The following DMD variants were observed in gnomAD, a reference collection of about 807,000 sequenced individuals.
The protein encoded by DMD is mutant dystrophin.
A neutral mutation model predicts 330.1 loss-of-function variants in DMD; 63 were observed. The observed-to-expected ratio is 0.19, with a 90% CI of 0.16 to 0.24. The LOEUF (loss-of-function observed/expected upper bound fraction) is 0.24, where lower values mean the gene tolerates loss of function less well. DMD is among the 10% of genes least tolerant of loss of function. The pLI, the probability that DMD is intolerant of heterozygous loss-of-function variation, is 1.00. For missense variants in DMD, 3,344 were observed against 2,684.1 expected (o/e 1.25, Z -5.43); for synonymous variants, 1,223 against 959.8 (o/e 1.27, Z -5.07).
At chrX:31,729,445 T>C (rs1407146214) in intron 52 of DMD, among the ~76,000 whole-genome samples, 186 bp downstream of exon 52, 1 of 112,669 alleles carries the variant, frequency 8.9e-6, no homozygotes, top group Non-Finnish European at 1.9e-5. Context: ...ATTTCTTCTA[T>C]TCAATGGAAT....
At chrX:31,718,247 A>G (rs909219976) in intron 52 of DMD, among the ~76,000 whole-genome samples, 5 of 111,853 alleles carry the variant, frequency 4.5e-5, no homozygotes, top group African/African-American at 1.6e-4. Flanking sequence ...CACTGTCAGG[A>G]AAGACAAATT....
intron 1 of DMD, among the ~76,000 whole-genome samples, chrX:33,186,506 T>C (rs1459883621): frequency 3.6e-5 from 4 of 111,012 alleles, no homozygotes; most frequent in Non-Finnish European, 5.7e-5. Context: ...AAGGTTACAT[T>C]AGGTTTTTTT....
intron 2 of DMD, among the ~76,000 whole-genome samples, chrX:32,872,423 T>TC (rs1003057587): frequency 4.5e-5 from 5 of 112,011 alleles, no homozygotes; most frequent in African/African-American, 1.3e-4. Context: ...TGTCCCCTTT[T>TC]TAAAATTCAA....
intron 30 of DMD, among the ~76,000 whole-genome samples, chrX:32,406,589 C>G (rs938093425): frequency 9.0e-6 from 1 of 111,116 alleles, no homozygotes; most frequent in Non-Finnish European, 1.9e-5. Context: ...AGCCTTGCAT[C>G]CCAGGGATGA....
intron 16 of DMD, among the ~76,000 whole-genome samples, chrX:32,562,520 C>A (rs1287538711): frequency 1.8e-5 from 2 of 112,612 alleles, no homozygotes; most frequent in Non-Finnish European, 3.8e-5. Flanking sequence ...TAGGTTTTAA[C>A]CATTATGAGA....
chrX:32,830,390 T>TA (rs1037526182), intron 4 of DMD, among the ~76,000 whole-genome samples: 1 of 111,593 alleles, frequency 9.0e-6, no homozygotes, highest in African/African-American at 3.2e-5. Context: ...TAAAACCTTT[T>TA]AAAATCTGTG....
At position 31,381,475 on chromosome X, in the gene DMD, T is replaced by C. The variant is rs191368326; in HGVS notation, c.9085-32841A>G. 2.8e-3 allele frequency among the ~76,000 whole-genome samples: 309 copies of C among 111,802 alleles called. 1 individual carries two copies. Among genetic ancestry groups the C allele is most frequent in the African/African-American group, 9.4e-3 (290 of 30,762 alleles). ...TATTTTCTTCCTCACACCTGACGCATATGCTTTCTGCTCCCCGGCTCCTTC... is the reference window on the plus strand; with the variant it reads ...TATTTTCTTCCTCACACCTGACGCACATGCTTTCTGCTCCCCGGCTCCTTC... On this transcript the variant is annotated intron_variant, in intron 60 of 78. Coordinates refer to ENST00000357033, the MANE Select transcript of DMD (RefSeq NM_004006.3).
chrX:32,696,449 A>T, intron 9 of DMD, among the ~76,000 whole-genome samples: 1 of 112,238 alleles, frequency 8.9e-6, no homozygotes, highest in Admixed American at 9.5e-5. Context: ...TTTAAATAAA[A>T]CAAGTAAGTG....
At chrX:31,243,119 G>A (rs1464991216) in intron 63 of DMD, among the ~76,000 whole-genome samples, 1 of 111,398 alleles carries the variant, frequency 9.0e-6, no homozygotes, top group African/African-American at 3.3e-5. Flanking sequence ...ATTTATGGGG[G>A]AAAAAAATCA....
intron 27 of DMD, among the ~76,000 whole-genome samples, chrX:32,443,393 G>T (rs2098290409): frequency 9.0e-6 from 1 of 110,799 alleles, no homozygotes; most frequent in Admixed American, 9.6e-5. Flanking sequence ...TAAGTGTTTT[G>T]CTTTAAAAGG....
Position 31,774,146 on chromosome X carries a change from C to T in DMD, c.7356G>A (p.Lys2452=). 8.3e-7 allele frequency: 1 copy of T among 1,210,502 alleles called. No homozygotes were observed. ...TTTCTAGTTTGGAGATGGCAGTTTC[C>T]TTAGTAACCACAGGTTGTGTCACCA... ...VTLVTQPVVT[K]ETAISKLEMP... The change falls in exon 51 of 79, where the codon AAG becomes AAA. Residue 2452 remains lysine (K), a synonymous_variant. Transcript: ENST00000357033.
At chrX:31,356,561 A>C (rs2058684477) in intron 60 of DMD, among the ~76,000 whole-genome samples, 1 of 102,713 alleles carries the variant, frequency 9.7e-6, no homozygotes, top group Admixed American at 1.1e-4. Flanking sequence ...TCTTCCTCTA[A>C]TTCTGATGAA....
chrX:33,176,236 A>G (rs981367484), intron 1 of DMD, among the ~76,000 whole-genome samples: 14 of 111,326 alleles, frequency 1.3e-4, no homozygotes, highest in African/African-American at 4.6e-4. Context: ...TTTTGCATGA[A>G]TCCCTGTTCC....
At chrX:31,602,171 C>CACT (rs1260022511) in intron 55 of DMD, among the ~76,000 whole-genome samples, 1 of 109,795 alleles carries the variant, frequency 9.1e-6, no homozygotes, top group Non-Finnish European at 1.9e-5. Flanking sequence ...AAGACGCCAC[C>CACT]CCTTGACCTT....
intron 29 of DMD, among the ~76,000 whole-genome samples, chrX:32,429,334 C>T (rs765440641): frequency 4.2e-5 from 4 of 95,197 alleles, no homozygotes; most frequent in South Asian, 5.1e-4. Flanking sequence ...CTCAGCCTCC[C>T]GAGTAGTTGG....
intron 44 of DMD, among the ~76,000 whole-genome samples, chrX:32,134,357 A>G (rs1375498693): frequency 3.6e-5 from 4 of 111,617 alleles, no homozygotes; most frequent in African/African-American, 1.3e-4. Flanking sequence ...CTGCCCAGTC[A>G]CAGAGCTAGC....
intron 61 of DMD, among the ~76,000 whole-genome samples, chrX:31,333,024 T>C (rs2057217230): frequency 9.0e-6 from 1 of 111,360 alleles, no homozygotes; most frequent in African/African-American, 3.3e-5. Context: ...GAAATAATCT[T>C]TCTTCCTCTT....
At chrX:33,242,710 C>T (rs772665839) in intron 1 of DMD, among the ~76,000 whole-genome samples, 2 of 112,001 alleles carry the variant, frequency 1.8e-5, no homozygotes, top group African/African-American at 6.5e-5. Context: ...TACATCCCCA[C>T]CAGCAGTGTA....
intron 2 of DMD, among the ~76,000 whole-genome samples, chrX:32,910,512 T>G (rs1195422329): frequency 3.6e-5 from 4 of 111,044 alleles, no homozygotes; most frequent in African/African-American, 1.3e-4. Context: ...CACTGCAACC[T>G]CCGCCTCCCA....
Sources: gnomAD v4.1 joint callset for allele counts (sites outside exome capture counted in the v4.1 genomes callset) on GRCh38, gnomAD v4.1.1 for gene constraint, MANE v1.5 for transcripts, NCBI Gene and HGNC (gene_info 2026-07-23, HGNC 2026-07-21) for gene names.